The following EXOC6B variants were observed in gnomAD, a reference collection of about 807,000 sequenced individuals.
The protein encoded by EXOC6B is exocyst complex component 6B, also known as SEC15 homolog B.
A neutral mutation model predicts 113.5 loss-of-function variants in EXOC6B; 54 were observed. The ratio of observed to expected loss-of-function variants is 0.48; its 90% CI spans 0.38 to 0.60. EXOC6B has a LOEUF of 0.60. Among genes scored for constraint, EXOC6B ranks in the 20% least tolerant of loss-of-function variants. The probability of loss-of-function intolerance (pLI) is 0.00; values close to 1 mark genes in which losing one functional copy is unlikely to be tolerated. For synonymous variants in EXOC6B, 357 were observed against 339.0 expected, an observed-to-expected ratio of 1.05 and a Z score of -0.58; for missense variants, 797 against 977.5, an observed-to-expected ratio of 0.82 and a Z score of 2.46.
At position 72,492,351 on chromosome 2, in the gene EXOC6B, A is replaced by G. The variant is rs545968785; in HGVS notation, c.1632T>C (p.Asn544=). The change falls in exon 16 of 22, where the codon AAT becomes AAC. Residue 544 remains asparagine (N), a synonymous_variant. Transcript: ENST00000272427. ...GCCCAATATTCTTCCTTTTAATTAC[A>G]TTCTGCAGAGAGTTGCTCAGAGTCC... The part of the protein sequence containing the change: ...LTRTLSNSLQ[N]VIKRKNIGLT... 7.4e-6 allele frequency: 12 copies of G among 1,612,608 alleles called. No homozygotes were observed. Among genetic ancestry groups the G allele is most frequent in the Non-Finnish European group, 8.5e-6 (10 of 1,178,910 alleles).
intron 1 of EXOC6B, among the ~76,000 whole-genome samples, chr2:72,813,317 G>A (rs986488163): frequency 6.6e-6 from 1 of 152,114 alleles, no homozygotes; most frequent in Non-Finnish European, 1.5e-5. Context: ...TCAAACTCCT[G>A]GGCTCAAGTG....
At chr2:72,444,531 G>A (rs1696444035) in intron 18 of EXOC6B, among the ~76,000 whole-genome samples, 1 of 152,234 alleles carries the variant, frequency 6.6e-6, no homozygotes, top group Non-Finnish European at 1.5e-5. Flanking sequence ...GGTTCTCCAT[G>A]AGAGTTCTGC....
intron 6 of EXOC6B, among the ~76,000 whole-genome samples, chr2:72,589,785 ATGATATAACAGATC>A (rs1257179825): frequency 6.6e-6 from 1 of 151,972 alleles, no homozygotes; most frequent in Non-Finnish European, 1.5e-5. Context: ...CCAAAAAAAA[ATGATATAACAGATC>A]TGATATAACT....
intron 5 of EXOC6B, among the ~76,000 whole-genome samples, chr2:72,724,863 A>C (rs1014948739): frequency 6.6e-5 from 10 of 152,154 alleles, no homozygotes; most frequent in Non-Finnish European, 5.9e-5. Flanking sequence ...CATAAAATCT[A>C]TCTCAAATAA....
chr2:72,453,339 TGA>T (rs1697019839), intron 18 of EXOC6B, among the ~76,000 whole-genome samples: 1 of 152,094 alleles, frequency 6.6e-6, no homozygotes, highest in Admixed American at 6.6e-5. Flanking sequence ...AAATCTGAAC[TGA>T]GAGAGAAGCT....
chr2:72,645,126 T>TG (rs1673600985), intron 6 of EXOC6B, among the ~76,000 whole-genome samples: 1 of 150,886 alleles, frequency 6.6e-6, no homozygotes, highest in Admixed American at 6.6e-5. Flanking sequence ...GAAAAAAAAG[T>TG]GGGGGTTGCA....
intron 6 of EXOC6B, among the ~76,000 whole-genome samples, chr2:72,659,386 T>C (rs114990108): frequency 0.018 from 2,697 of 152,258 alleles, 44 homozygotes; most frequent in Middle Eastern, 0.037. Context: ...GGCAAAAACC[T>C]TTCCATCTAC....
At chr2:72,264,881 G>A (rs1460070702) in intron 20 of EXOC6B, among the ~76,000 whole-genome samples, 1 of 152,060 alleles carries the variant, frequency 6.6e-6, no homozygotes, top group Admixed American at 6.6e-5. Context: ...GCTGAACTGT[G>A]AGTCAATTAA....
At chr2:72,631,178 G>A (rs1268732356) in intron 6 of EXOC6B, among the ~76,000 whole-genome samples, 1 of 137,264 alleles carries the variant, frequency 7.3e-6, no homozygotes, top group African/African-American at 2.5e-5. Context: ...GTTTGTAGAT[G>A]TATGCAAGTG....
chr2:72,806,903 C>A (rs78735055), intron 1 of EXOC6B, among the ~76,000 whole-genome samples: 1 of 151,684 alleles, frequency 6.6e-6, no homozygotes, highest in Non-Finnish European at 1.5e-5. Context: ...TACTTTAAGT[C>A]CTTATAGGCT....
intron 6 of EXOC6B, among the ~76,000 whole-genome samples, chr2:72,645,840 G>A (rs549272413): frequency 6.6e-6 from 1 of 152,250 alleles, no homozygotes; most frequent in Non-Finnish European, 1.5e-5. Context: ...AAGAAAGCAG[G>A]AAAGATCTAA....
chr2:72,731,496 T>C (rs1680645317), intron 3 of EXOC6B, among the ~76,000 whole-genome samples: 1 of 152,182 alleles, frequency 6.6e-6, no homozygotes, highest in Non-Finnish European at 1.5e-5. Flanking sequence ...ACAAGGGTTA[T>C]CCAGGAGAAA....
Position 72,500,030 on chromosome 2 carries a change from A to G in EXOC6B, c.1168-58T>C, listed in dbSNP as rs1700239920. 3 of 1,116,102 alleles carry G rather than the reference A, an allele frequency of 2.7e-6. No individual in the cohort carries two copies. The Admixed American group carries it at 6.3e-5, about 23-fold the overall frequency. 69.1% of individuals were successfully genotyped at this position (1,116,102 alleles called of 1,614,324 possible). ...ATGTTATTAGTAAAAATGCAATTAA[A>G]TTTTTATTTATTTAATTGTTTAGCG... On this transcript the variant is annotated intron_variant, in intron 11 of 21. Coordinates refer to ENST00000272427, the MANE Select transcript of EXOC6B (RefSeq NM_015189.3).
intron 19 of EXOC6B, chr2:72,354,350 A>C (rs1689847474): frequency 6.6e-6 from 1 of 152,228 alleles, no homozygotes; most frequent in Admixed American, 6.5e-5. Context: ...ATCCAAGGTA[A>C]GTTCTACTAC....
chr2:72,712,240 G>T (rs891610438), intron 6 of EXOC6B, among the ~76,000 whole-genome samples: 5 of 152,052 alleles, frequency 3.3e-5, no homozygotes, highest in Non-Finnish European at 7.4e-5. Context: ...TCTATTTGAG[G>T]CCAAAATAAT....
intron 21 of EXOC6B, among the ~76,000 whole-genome samples, chr2:72,181,209 A>C (rs1445316308): frequency 3.5e-5 from 2 of 56,450 alleles, no homozygotes; most frequent in East Asian, 4.2e-4. Flanking sequence ...ACTCCGTCTC[A>C]AAAAAAAAAA....
At chr2:72,787,977 C>T (rs1409065498) in intron 1 of EXOC6B, among the ~76,000 whole-genome samples, 1 of 152,152 alleles carries the variant, frequency 6.6e-6, no homozygotes, top group East Asian at 1.9e-4. Flanking sequence ...TTGGTATCCA[C>T]ATTTTTACTA....
chr2:72,640,888 A>G (rs1402959267), intron 6 of EXOC6B, among the ~76,000 whole-genome samples: 1 of 152,198 alleles, frequency 6.6e-6, no homozygotes, highest in Admixed American at 6.5e-5. Context: ...ACATTACATA[A>G]TGGCAAAGAT....
chr2:72,503,036 A>T (rs191455161), intron 11 of EXOC6B, among the ~76,000 whole-genome samples: 1 of 152,278 alleles, frequency 6.6e-6, no homozygotes, highest in East Asian at 1.9e-4. Flanking sequence ...TTGGATTCAT[A>T]CCATCCTTTG....
Sources: gnomAD v4.1 joint callset for allele counts (sites outside exome capture counted in the v4.1 genomes callset) on GRCh38, gnomAD v4.1.1 for gene constraint, MANE v1.5 for transcripts, NCBI Gene and HGNC (gene_info 2026-07-23, HGNC 2026-07-21) for gene names.